NID2: variants seen among roughly 807,000 people sequenced by gnomAD.
NID2 encodes nidogen 2, also known as nidogen-2.
NID2 carries 83 observed loss-of-function variants against 145.4 expected under a neutral mutation model. The ratio of observed to expected loss-of-function variants is 0.57; its 90% confidence interval spans 0.48 to 0.69. The LOEUF is 0.69. Ranked by LOEUF, NID2 falls within the 30% of genes least tolerant of loss-of-function variation. NID2 has a pLI of 0.00. For synonymous variants in NID2, 739 were observed against 701.3 expected (o/e 1.05, Z -0.85); for missense variants, 1,807 against 1,765.7 (o/e 1.02, Z -0.42).
At chr14:52,064,473 T>C (rs1346031292) in intron 2 of NID2, among the ~76,000 whole-genome samples, 1 of 152,148 alleles carries the variant, frequency 6.6e-6, no homozygotes, top group Non-Finnish European at 1.5e-5. Context: ...ATTCCTCTTC[T>C]TATAAAGCAA....
intron 9 of NID2, among the ~76,000 whole-genome samples, chr14:52,037,583 A>T (rs561911389): frequency 6.6e-6 from 1 of 152,332 alleles, no homozygotes; most frequent in South Asian, 2.1e-4. Flanking sequence ...GAGTTTGAGA[A>T]ATACAAGTCT....
In NID2 at chr14:52,028,740, C is replaced by T. The variant is rs1348934563; in HGVS notation, c.2512G>A (p.Asp838Asn). Residue 838 changes from aspartate to asparagine, a missense_variant, in exon 11 of 22, where the codon GAC becomes AAC. Asp to Asn is a conservative substitution (Grantham distance 23). Coordinates refer to ENST00000216286, the MANE Select transcript of NID2 (RefSeq NM_007361.4). Reference protein sequence around the residue: ...ECRSGYEFADDRHTCILITPP... With the variant: ...ECRSGYEFADNRHTCILITPP... ...AACTCACAGATGCAAGTATGCCGGTCATCTGCAAACTCATAACCACTCCGG... is the reference window on the plus strand; with the variant it reads ...AACTCACAGATGCAAGTATGCCGGTTATCTGCAAACTCATAACCACTCCGG... 1 of 1,612,790 alleles carries T rather than the reference C, an allele frequency of 6.2e-7. No individual in the cohort carries two copies. Among genetic ancestry groups the T allele is most frequent in the African/African-American group, 1.3e-5 (1 of 74,944 alleles).
At chr14:52,035,409 G>A (rs1365832283) in intron 9 of NID2, among the ~76,000 whole-genome samples, 1 of 152,182 alleles carries the variant, frequency 6.6e-6, no homozygotes, top group South Asian at 2.1e-4. Context: ...AGAGCAACAT[G>A]CTTTTAAGTT....
intron 3 of NID2, among the ~76,000 whole-genome samples, chr14:52,059,622 G>T (rs936478996): frequency 1.3e-5 from 2 of 152,224 alleles, no homozygotes; most frequent in Non-Finnish European, 1.5e-5. Flanking sequence ...TCTAAGGAAT[G>T]GGTTCAATTC....
At position 52,063,085 on chromosome 14, in the gene NID2, A is replaced by C. The variant is rs1893065144; in HGVS notation, c.535-2729T>G. ...TTGTAAAGTTCTTGGTCAGTTCTAC[A>C]AAATTCTACATCTAATTGCTAAAGA... On this transcript the variant is annotated intron_variant, in intron 2 of 21. Transcript: ENST00000216286. 2.0e-5 allele frequency among the ~76,000 whole-genome samples: 3 copies of C among 152,242 alleles called. No homozygotes were observed. In the South Asian group the frequency reaches 6.2e-4, roughly 32 times the overall value.
At chr14:52,065,038 G>T (rs943502246) in intron 2 of NID2, among the ~76,000 whole-genome samples, 2 of 152,156 alleles carry the variant, frequency 1.3e-5, no homozygotes, top group African/African-American at 2.4e-5. Context: ...AACTACCTAT[G>T]AGAGTTCAAG....
At position 52,005,405 on chromosome 14, in the gene NID2, C is replaced by CTTTCT; in HGVS notation, c.*76_*80dup. 7.3e-7 allele frequency: 1 copy of CTTTCT among 1,364,706 alleles called. No homozygotes were observed. The highest frequency in any genetic ancestry group is 2.5e-5 in the Admixed American group (1 of 39,948). The allele number at this position is 1,364,706 out of a possible 1,614,324, so 84.5% of individuals were successfully genotyped here. On this transcript the variant is annotated 3_prime_UTR_variant, in exon 22 of 22. Coordinates refer to ENST00000216286, the MANE Select transcript of NID2 (RefSeq NM_007361.4). ...CGTCTAATGGCCAATTCCTTTTTTA[C>CTTTCT]TTTCTTTGCCTTTGCAGTCACTGTT...
chr14:52,058,896 G>A (rs1485543152), intron 3 of NID2, among the ~76,000 whole-genome samples: 1 of 151,860 alleles, frequency 6.6e-6, no homozygotes, highest in African/African-American at 2.4e-5. Flanking sequence ...CCAGAGGAGG[G>A]AGAGTAAGGA....
At chr14:52,018,153 G>T (rs1207942362) in intron 14 of NID2, among the ~76,000 whole-genome samples, 1 of 152,152 alleles carries the variant, frequency 6.6e-6, no homozygotes, top group East Asian at 1.9e-4. Context: ...AAAACTATTG[G>T]TAATTCTCCA....
rs8007166 is a variant in NID2 at position 52,020,132 on chromosome 14, G to A, written c.2721C>T (p.Cys907=). The A allele has an allele frequency of 4.9e-3, 7,885 of 1,614,082 alleles. 327 individuals are homozygous for A. The African/African-American group carries it at 0.088, about 18-fold the overall frequency. The change falls in exon 13 of 22, where the codon TGC becomes TGT. Residue 907 remains cysteine (C), a synonymous_variant. Coordinates refer to ENST00000216286, the MANE Select transcript of NID2 (RefSeq NM_007361.4). ...SENRCHPAAT[C]YNTPGSFSCR... ...AGGAGAAGGAACCAGGAGTATTGTAGCAGGTAGCTGCAGGGTGACATCTGT... is the reference window on the plus strand; with the variant it reads ...AGGAGAAGGAACCAGGAGTATTGTAACAGGTAGCTGCAGGGTGACATCTGT...
chr14:52,051,346 C>T (rs755228876), intron 5 of NID2, among the ~76,000 whole-genome samples: 1 of 152,154 alleles, frequency 6.6e-6, no homozygotes, highest in Non-Finnish European at 1.5e-5. Context: ...AAGTATATGA[C>T]GAGGTCTTCA....
chr14:52,058,712 T>C (rs1892930585), intron 3 of NID2, among the ~76,000 whole-genome samples: 1 of 152,060 alleles, frequency 6.6e-6, no homozygotes, highest in Admixed American at 6.6e-5. Context: ...CCCAGGGCTC[T>C]GTAATTGTTG....
Position 52,015,065 on chromosome 14 carries a change from G to C in NID2, c.3239C>G (p.Thr1080Ser), listed in dbSNP as rs780958518. Residue 1080 changes from threonine to serine, a missense_variant, in exon 15 of 22, where the codon ACC becomes AGC. Coordinates refer to ENST00000216286, the MANE Select transcript of NID2 (RefSeq NM_007361.4). Reference protein sequence around the residue: ...EVQGTRSQPGTTPACIPTVAP... With the variant: ...EVQGTRSQPGSTPACIPTVAP... Reference sequence around the variant, plus strand: ...GGCCAGGTGCTTACACGCAGGGGTGGTGCCTGGCTGGGAGCGGGTGCCCTG... The same window carrying C: ...GGCCAGGTGCTTACACGCAGGGGTGCTGCCTGGCTGGGAGCGGGTGCCCTG... The C allele has an allele frequency of 1.9e-6, 3 of 1,613,378 alleles. No individual in the cohort carries two copies. The highest frequency in any genetic ancestry group is 1.1e-5 in the South Asian group (1 of 90,966).
At chr14:52,054,686 G>A (rs138097435) in intron 3 of NID2, among the ~76,000 whole-genome samples, 1 of 152,312 alleles carries the variant, frequency 6.6e-6, no homozygotes, top group Non-Finnish European at 1.5e-5. Flanking sequence ...CCCAGCCTGT[G>A]TGGCAGAGTG....
At chr14:52,037,347 GGTTT>G (rs200709374) in intron 9 of NID2, among the ~76,000 whole-genome samples, 3,012 of 152,156 alleles carry the variant, frequency 0.02, 52 homozygotes, top group Middle Eastern at 0.044. Context: ...ACAACGTGCA[GGTTT>G]GTTACATATG....
chr14:52,043,698 T>G (rs1381718927), intron 5 of NID2, among the ~76,000 whole-genome samples: 1 of 152,082 alleles, frequency 6.6e-6, no homozygotes, highest in Non-Finnish European at 1.5e-5. Flanking sequence ...ATTCTGCCCA[T>G]TAAAAGAAGA....
chr14:52,063,361 G>T (rs1195850012), intron 2 of NID2, among the ~76,000 whole-genome samples: 1 of 152,214 alleles, frequency 6.6e-6, no homozygotes, highest in Non-Finnish European at 1.5e-5. Flanking sequence ...GGATCAGGGT[G>T]AGTGGCTGCA....
intron 5 of NID2, among the ~76,000 whole-genome samples, chr14:52,050,605 AC>A (rs35380096): frequency 0.072 from 10,941 of 151,586 alleles, 440 homozygotes; most frequent in Middle Eastern, 0.14. Context: ...GATTGTACCT[AC>A]CCTACAGGAC....
At position 52,054,298 on chromosome 14, in the gene NID2, C is replaced by T; in HGVS notation, c.791G>A (p.Gly264Glu). Residue 264 changes from glycine to glutamate, a missense_variant, in exon 4 of 22, where the codon GGA (glycine) becomes GAA (glutamate). Coordinates refer to ENST00000216286, the MANE Select transcript of NID2 (RefSeq NM_007361.4). ...GCTGCCGATATGGAAAGCCCACACTCCAGGGATCCCCAGGTTGCTTAGTCT... is the reference window on the plus strand; with the variant it reads ...GCTGCCGATATGGAAAGCCCACACTTCAGGGATCCCCAGGTTGCTTAGTCT... ...LYQLSNLGIP[G>E]VWAFHIGSTS... The T allele has an allele frequency of 6.2e-7, 1 of 1,612,872 alleles. No homozygotes were observed. The highest frequency in any genetic ancestry group is 8.5e-7 in the Non-Finnish European group (1 of 1,179,076).
Sources: gnomAD v4.1 joint callset for allele counts (sites outside exome capture counted in the v4.1 genomes callset) on GRCh38, gnomAD v4.1.1 for gene constraint, MANE v1.5 for transcripts, NCBI Gene and HGNC (gene_info 2026-07-23, HGNC 2026-07-21) for gene names.